KIRREL3: variants seen among roughly 807,000 people sequenced by gnomAD.
The protein encoded by KIRREL3 is kirre like nephrin family adhesion molecule 3, also known as kin of IRRE-like protein 3.
A neutral mutation model predicts 89.7 loss-of-function variants in KIRREL3; 36 were observed. That is an observed-to-expected ratio of 0.40 (90% CI 0.31 to 0.53). The LOEUF (loss-of-function observed/expected upper bound fraction) is 0.53, where lower values mean the gene tolerates loss of function less well. Among genes scored for constraint, KIRREL3 ranks in the 20% least tolerant of loss-of-function variants. The pLI is 0.49. For synonymous variants in KIRREL3, 445 were observed against 441.4 expected, an observed-to-expected ratio of 1.01 and a Z score of -0.10; for missense variants, 864 against 1,056.6, an observed-to-expected ratio of 0.82 and a Z score of 2.53.
intron 2 of KIRREL3, among the ~76,000 whole-genome samples, chr11:126,548,769 A>T (rs1227805080): frequency 2.0e-5 from 3 of 152,212 alleles, no homozygotes; most frequent in Non-Finnish European, 4.4e-5. Context: ...CTCTGAATCC[A>T]GCAGAAATGA....
rs1201011231 is a variant in KIRREL3, at chr11:126,562,210, A to G, written c.133+625T>C. Among the ~76,000 whole-genome samples the G allele has an allele frequency of 6.6e-6, 1 of 152,116 alleles. No individual in the cohort carries two copies. Among genetic ancestry groups the G allele is most frequent in the African/African-American group, 2.4e-5 (1 of 41,412 alleles). Reference sequence around the variant, plus strand: ...CTTTATTACAGCAGACCCGTAAGTGACAGCACTCCTCCTCCCAGCCTCTAT... The same window carrying G: ...CTTTATTACAGCAGACCCGTAAGTGGCAGCACTCCTCCTCCCAGCCTCTAT... On this transcript the variant is annotated intron_variant, in intron 2 of 16. Transcript: ENST00000525144. The surrounding 1 kb of genome is among the most constrained non-coding windows in gnomAD (Gnocchi z 4.7).
rs533805006 is a variant in KIRREL3 at position 126,898,332 on chromosome 11, C to A, written c.55+102123G>T. ...ACCAGTGTTGAGAATATAAACTGGT[C>A]GGATATTTTAGAATATTCCTGGCAG... On this transcript the variant is annotated intron_variant, in intron 1 of 16. Coordinates refer to ENST00000525144, the MANE Select transcript of KIRREL3 (RefSeq NM_032531.4). The surrounding 1 kb of genome is among the most constrained non-coding windows in gnomAD (Gnocchi z 4.9). Among the ~76,000 whole-genome samples the A allele has an allele frequency of 1.3e-5, 2 of 152,106 alleles. No homozygotes were observed. The highest frequency in any genetic ancestry group is 4.8e-5 in the African/African-American group (2 of 41,412).
chr11:126,559,072 C>T (rs1273401359), intron 2 of KIRREL3, among the ~76,000 whole-genome samples: 1 of 152,042 alleles, frequency 6.6e-6, no homozygotes. Flanking sequence ...AGAAGGGAAA[C>T]TACCCCTGGG....
chr11:127,001,780 A>G (rs1950320206), upstream of KIRREL3, among the ~76,000 whole-genome samples: 1 of 151,570 alleles, frequency 6.6e-6, no homozygotes, highest in Admixed American at 6.6e-5. Context: ...ATAGGCACAG[A>G]CCATGCCTTC....
chr11:126,781,539 G>A (rs1423863054), intron 1 of KIRREL3, among the ~76,000 whole-genome samples: 1 of 152,118 alleles, frequency 6.6e-6, no homozygotes, highest in East Asian at 1.9e-4. Flanking sequence ...TTTTATCTGT[G>A]TCATTAGAAA....
At position 126,566,867 on chromosome 11, in the gene KIRREL3, G is replaced by A. The variant is rs188785952; in HGVS notation, c.56-3955C>T. On this transcript the variant is annotated intron_variant, in intron 1 of 16. Transcript: ENST00000525144. The surrounding 1 kb of genome is among the most constrained non-coding windows in gnomAD (Gnocchi z 4.9). ...GTAAGTAGCTCTGTGACACAGGCAA[G>A]TCAGAAATTATCTATTTCATTTTGG... 1.3e-5 allele frequency among the ~76,000 whole-genome samples: 2 copies of A among 152,340 alleles called. No individual in the cohort carries two copies. Among genetic ancestry groups the A allele is most frequent in the Admixed American group, 6.5e-5 (1 of 15,302 alleles).
Position 126,802,587 on chromosome 11 carries a change from ATG to A in KIRREL3, c.55+197866_55+197867del, listed in dbSNP as rs1353554382. Among the ~76,000 whole-genome samples, 1 of 151,770 alleles carries A rather than the reference ATG, an allele frequency of 6.6e-6. No individual in the cohort carries two copies. The highest frequency in any genetic ancestry group is 2.1e-4 in the South Asian group (1 of 4,804). Reference sequence around the variant, plus strand: ...GGCCTCAGTGTGAGTGAGTGTGGGCATGTGTGTGTGTGAGTGACCCTGCGATG... The same window carrying A: ...GGCCTCAGTGTGAGTGAGTGTGGGCATGTGTGTGTGAGTGACCCTGCGATG... On this transcript the variant is annotated intron_variant, in intron 1 of 16. Coordinates refer to ENST00000525144, the MANE Select transcript of KIRREL3 (RefSeq NM_032531.4). The surrounding 1 kb of genome is among the most constrained non-coding windows in gnomAD (Gnocchi z 5.2).
intron 13 of KIRREL3, among the ~76,000 whole-genome samples, chr11:126,434,362 G>A (rs1348264998): frequency 1.3e-5 from 2 of 152,266 alleles, no homozygotes; most frequent in Non-Finnish European, 2.9e-5. Context: ...GCACTAGCAT[G>A]GACCCGGGGA....
intron 7 of KIRREL3, 21 bp from the exon 8 acceptor site, chr11:126,449,178 T>A (rs1284926975): frequency 6.2e-7 from 1 of 1,612,020 alleles, no homozygotes. Flanking sequence ...GGCCAGGGGC[T>A]GATGTGGGCC....
rs181453723 is a variant in KIRREL3, at chr11:126,520,825, C to T, written c.433+490G>A. ...GGAGCAATGAGGGGTGGAGAAGTCA[C>T]GGGGGTCACTGGTGTCCACATGGAT... On this transcript the variant is annotated intron_variant, in intron 4 of 16. Transcript: ENST00000525144. This position sits in a 1 kb window ranked among gnomAD's most constrained non-coding sequence, Gnocchi z 4.9. Among the ~76,000 whole-genome samples the T allele has an allele frequency of 8.0e-4, 121 of 152,142 alleles. No individual in the cohort carries two copies. The highest frequency in any genetic ancestry group is 1.2e-3 in the Admixed American group (19 of 15,282).
In KIRREL3 at chr11:126,558,322, T is replaced by A. The variant is rs1939858267; in HGVS notation, c.133+4513A>T. Among the ~76,000 whole-genome samples, 1 of 152,202 alleles carries A rather than the reference T, an allele frequency of 6.6e-6. No individual in the cohort carries two copies. Among genetic ancestry groups the A allele is most frequent in the Non-Finnish European group, 1.5e-5 (1 of 68,040 alleles). Reference sequence around the variant, plus strand: ...GTCCCTCACTCCAGGTCTCCCCTGATTTTCTGCAAATCAACTCAAGTTTTC... The same window carrying A: ...GTCCCTCACTCCAGGTCTCCCCTGAATTTCTGCAAATCAACTCAAGTTTTC... On this transcript the variant is annotated intron_variant, in intron 2 of 16. Transcript: ENST00000525144. The surrounding 1 kb of genome is among the most constrained non-coding windows in gnomAD (Gnocchi z 4.0).
chr11:126,962,301 C>A (rs1357978999), intron 1 of KIRREL3, among the ~76,000 whole-genome samples: 1 of 152,052 alleles, frequency 6.6e-6, no homozygotes, highest in Non-Finnish European at 1.5e-5. Context: ...ATGCATGATT[C>A]ATGGGAGGAG....
rs1286482511 is a variant in KIRREL3 at position 126,563,920 on chromosome 11, C to CATT, written c.56-1011_56-1009dup. On this transcript the variant is annotated intron_variant, in intron 1 of 16. Coordinates refer to ENST00000525144, the MANE Select transcript of KIRREL3 (RefSeq NM_032531.4). The surrounding 1 kb of genome is among the most constrained non-coding windows in gnomAD (Gnocchi z 6.8). The stretch of plus-strand genomic sequence containing the variant: ...TGGGCATATGGGCCACTGCAACTGA[C>CATT]ATTATGCAGATGGGAAAATTGAGGT... Among the ~76,000 whole-genome samples, 1 of 152,238 alleles carries CATT rather than the reference C, an allele frequency of 6.6e-6. No homozygotes were observed. Among genetic ancestry groups the CATT allele is most frequent in the African/African-American group, 2.4e-5 (1 of 41,460 alleles).
intron 1 of KIRREL3, among the ~76,000 whole-genome samples, chr11:126,678,482 C>T (rs2135088410): frequency 6.6e-6 from 1 of 151,698 alleles, no homozygotes; most frequent in South Asian, 2.1e-4. Flanking sequence ...CGCCTGTAGT[C>T]CCAGCTACTC....
intron 1 of KIRREL3, among the ~76,000 whole-genome samples, chr11:126,852,109 A>T (rs1228245635): frequency 7.2e-6 from 1 of 139,688 alleles, no homozygotes; most frequent in African/African-American, 2.7e-5. Context: ...GCCGGAGTGC[A>T]GTGGTGCGAT....
At chr11:126,963,980 A>G (rs991663861) in intron 1 of KIRREL3, among the ~76,000 whole-genome samples, 2 of 152,118 alleles carry the variant, frequency 1.3e-5, no homozygotes, top group African/African-American at 4.8e-5. Flanking sequence ...GTACAGAAAA[A>G]ATTAGAAAGC....
intron 7 of KIRREL3, among the ~76,000 whole-genome samples, chr11:126,453,995 T>C (rs1251506622): frequency 6.6e-6 from 1 of 152,170 alleles, no homozygotes; most frequent in Non-Finnish European, 1.5e-5. Context: ...GAAGCCCGCA[T>C]GTTCTCTGCT....
At chr11:126,524,853 G>A (rs1384526923) in intron 3 of KIRREL3, among the ~76,000 whole-genome samples, 23 of 152,284 alleles carry the variant, frequency 1.5e-4, no homozygotes, top group Non-Finnish European at 2.6e-4. Flanking sequence ...TCCACATCAG[G>A]CAAGCGAGCA....
Position 126,562,868 on chromosome 11 carries a change from T to C in KIRREL3, c.100A>G (p.Met34Val), listed in dbSNP as rs1342474247. The part of the protein sequence containing the change: ...KRGCCLVLGY[M>V]AKDKFRRMNE... ...ATTCTCCGAAACTTGTCCTTGGCCA[T>C]GTAGCCCAGCACCAGACAGCATCCT... is the stretch of plus-strand genomic sequence containing the variant. Residue 34 changes from methionine (M) to valine (V), a missense_variant, in exon 2 of 17, where the codon ATG becomes GTG. Met to Val is a conservative substitution (Grantham distance 21, BLOSUM62 1). Transcript: ENST00000525144. The surrounding 1 kb of genome is among the most constrained non-coding windows in gnomAD (Gnocchi z 4.7). 6.2e-7 allele frequency: 1 copy of C among 1,613,788 alleles called. No homozygotes were observed. Among genetic ancestry groups the C allele is most frequent in the South Asian group, 1.1e-5 (1 of 91,036 alleles).
Sources: gnomAD v4.1 joint callset for allele counts (sites outside exome capture counted in the v4.1 genomes callset) on GRCh38, gnomAD v4.1.1 for gene constraint, Gnocchi (gnomAD v3.1) non-coding constraint, MANE v1.5 for transcripts, NCBI Gene and HGNC (gene_info 2026-07-23, HGNC 2026-07-21) for gene names.